LARP1: variants seen among roughly 807,000 people sequenced by gnomAD.
LARP1 encodes la-related protein 1.
LARP1 carries 36 observed loss-of-function variants against 122.7 expected under a neutral mutation model. The observed-to-expected ratio is 0.29, with a 90% CI of 0.22 to 0.39. The LOEUF is 0.39. Ranked by LOEUF, LARP1 falls within the 10% of genes least tolerant of loss-of-function variation. The pLI, the probability that LARP1 is intolerant of heterozygous loss-of-function variation, is 1.00. For missense variants in LARP1, 1,040 were observed against 1,403.6 expected (o/e 0.74, Z 4.14); for synonymous variants, 539 against 528.7 (o/e 1.02, Z -0.27).
intron 1 of LARP1, among the ~76,000 whole-genome samples, chr5:154,770,689 T>TAA (rs1755336690): frequency 6.6e-6 from 1 of 152,138 alleles, no homozygotes; most frequent in Admixed American, 6.5e-5. Context: ...TGATTTCAGG[T>TAA]AAGATCCTTA....
chr5:154,788,785 C>T (rs1226182611), intron 1 of LARP1, among the ~76,000 whole-genome samples: 3 of 151,834 alleles, frequency 2.0e-5, no homozygotes. Flanking sequence ...GATAAAAGCC[C>T]ATGTCTGTCT....
chr5:154,781,609 AAAAAC>A (rs1756456421), intron 1 of LARP1, among the ~76,000 whole-genome samples: 1 of 152,168 alleles, frequency 6.6e-6, no homozygotes, highest in Non-Finnish European at 1.5e-5. Context: ...AAAGGAAAAA[AAAAAC>A]GGAAAAATAA....
intron 1 of LARP1, among the ~76,000 whole-genome samples, chr5:154,684,316 G>T (rs1468436605): frequency 6.6e-6 from 1 of 152,072 alleles, no homozygotes; most frequent in East Asian, 1.9e-4. Flanking sequence ...GTGGTGGCCT[G>T]TGCCAGCTAC....
chr5:154,777,995 C>T (rs1411609080), intron 1 of LARP1, among the ~76,000 whole-genome samples: 1 of 152,186 alleles, frequency 6.6e-6, no homozygotes, highest in East Asian at 1.9e-4. Context: ...GGTGCGGTGA[C>T]TCACGCCTGT....
At chr5:154,796,122 TATATA>T (rs1757815681) in intron 8 of LARP1, among the ~76,000 whole-genome samples, 2 of 109,488 alleles carry the variant, frequency 1.8e-5, no homozygotes, top group African/African-American at 4.7e-5. Context: ...GTATATATAT[TATATA>T]TATTTTATAT....
In LARP1 at chr5:154,755,735, T is replaced by G. The variant is rs1353926805; in HGVS notation, c.-23T>G. ...GAGGCAGCCTCGGGCGCGCCCGGCT[T>G]CTCCGGGGGGGCGGGCGCGCAGATG... is the stretch of plus-strand genomic sequence containing the variant. On this transcript the variant is annotated 5_prime_UTR_variant, in exon 1 of 19. Transcript: ENST00000518297. The G allele has an allele frequency of 5.1e-6, 5 of 986,720 alleles. No homozygotes were observed. The South Asian group carries it at 1.8e-4, about 36-fold the overall frequency. The allele number at this position is 986,720 out of a possible 1,614,324, so 61.1% of individuals were successfully genotyped here. A position where few individuals can be genotyped will look rare whatever the true frequency, so the allele number is the denominator to read the frequency against.
At chr5:154,709,166 T>C (rs1477605442), upstream of LARP1, among the ~76,000 whole-genome samples, 2 of 152,218 alleles carry the variant, frequency 1.3e-5, no homozygotes, top group Non-Finnish European at 2.9e-5. Flanking sequence ...CAAATGTCCT[T>C]AGCAGCAGGC....
chr5:154,731,050 C>G (rs1172001810), intron 1 of LARP1, among the ~76,000 whole-genome samples: 1 of 151,948 alleles, frequency 6.6e-6, no homozygotes, highest in Non-Finnish European at 1.5e-5. Context: ...GTCTTCAACT[C>G]CTGACCTCAG....
Position 154,790,630 on chromosome 5 carries a change from G to C in LARP1, c.499-15G>C. The C allele has an allele frequency of 6.2e-7, 1 of 1,614,018 alleles. No individual in the cohort carries two copies. The highest frequency in any genetic ancestry group is 8.5e-7 in the Non-Finnish European group (1 of 1,179,920). ...GGGTCACTCCTGGGGCCCTCATAGT[G>C]TATGTTCCCTGCAGGTTGGTGACTT... On this transcript the variant is annotated splice_polypyrimidine_tract_variant and intron_variant, in intron 2 of 18. Coordinates refer to ENST00000518297, the MANE Select transcript of LARP1 (RefSeq NM_033551.3).
intron 1 of LARP1, among the ~76,000 whole-genome samples, chr5:154,772,359 G>A (rs1028410478): frequency 2.0e-5 from 3 of 152,152 alleles, no homozygotes; most frequent in Non-Finnish European, 4.4e-5. Flanking sequence ...ATTGTGGCTC[G>A]TGACTATGGC....
rs763112496 is a variant in LARP1, at chr5:154,805,901, C to T, written c.2567C>T (p.Thr856Met). The change falls in exon 15 of 19, where the codon ACG (threonine) becomes ATG (methionine). Residue 856 changes from threonine (T) to methionine (M), a missense_variant. Physicochemically the swap from Thr to Met is moderately conservative, Grantham distance 81 (BLOSUM62 -1). Around this residue, in one of 8 missense-constraint regions of LARP1, gnomAD observed 26 missense variants for 27.5 expected, o/e 0.94. Transcript: ENST00000518297. ...TGTAGCTCCAGCCCCTCAGAAGGGACGCCTACAGTTGGCAGCTATGGCTGT... is the reference window on the plus strand; with the variant it reads ...TGTAGCTCCAGCCCCTCAGAAGGGATGCCTACAGTTGGCAGCTATGGCTGT... ...ASISSSPSEG[T>M]PTVGSYGCTP... 253 of 1,613,854 alleles carry T rather than the reference C, an allele frequency of 1.6e-4. 2 individuals are homozygous for T. The highest frequency in any genetic ancestry group is 2.0e-4 in the Non-Finnish European group (237 of 1,179,944).
chr5:154,813,074 T>C (rs183985615), intron 18 of LARP1, among the ~76,000 whole-genome samples: 3 of 120,130 alleles, frequency 2.5e-5, no homozygotes, highest in Non-Finnish European at 5.1e-5. Context: ...ATTTAACCCT[T>C]ATGTGGTGAC....
intron 16 of LARP1, 72 bp downstream of exon 16, chr5:154,808,675 C>T: frequency 6.7e-7 from 1 of 1,491,674 alleles, no homozygotes; most frequent in Non-Finnish European, 9.0e-7. Flanking sequence ...GGTCTGCTTC[C>T]AGAACTGTAG....
intron 7 of LARP1, 104 bp downstream of exon 7, chr5:154,794,366 C>A: frequency 1.8e-6 from 2 of 1,089,798 alleles, no homozygotes; most frequent in Non-Finnish European, 2.6e-6. Flanking sequence ...GCAGCAGTTT[C>A]AGCCTCAGGC....
At position 154,771,518 on chromosome 5, in the gene LARP1, G is replaced by A. The variant is rs183634511; in HGVS notation, c.436+15325G>A. Among the ~76,000 whole-genome samples the A allele has an allele frequency of 2.6e-5, 4 of 152,322 alleles. No homozygotes were observed. In the East Asian group the frequency reaches 5.8e-4, roughly 22 times the overall value. Reference sequence around the variant, plus strand: ...GCAGACTGACTCCAGAGTTCATGCCGTACACATCATCTGGCTTTGCATTCT... The same window carrying A: ...GCAGACTGACTCCAGAGTTCATGCCATACACATCATCTGGCTTTGCATTCT... On this transcript the variant is annotated intron_variant, in intron 1 of 18. Transcript: ENST00000518297.
intron 1 of LARP1, among the ~76,000 whole-genome samples, chr5:154,707,520 T>C (rs968739780): frequency 6.6e-6 from 1 of 152,196 alleles, no homozygotes; most frequent in African/African-American, 2.4e-5. Flanking sequence ...TGGAAAATAG[T>C]ATTTAGAGAC....
intron 1 of LARP1, among the ~76,000 whole-genome samples, chr5:154,779,056 G>A (rs937599335): frequency 3.3e-5 from 5 of 152,082 alleles, no homozygotes; most frequent in African/African-American, 4.8e-5. Context: ...GCACCAGTCA[G>A]GTTCAAGAAT....
intron 1 of LARP1, among the ~76,000 whole-genome samples, chr5:154,693,528 A>G (rs1754319838): frequency 6.6e-6 from 1 of 152,138 alleles, no homozygotes; most frequent in African/African-American, 2.4e-5. Context: ...TGTCTCATTT[A>G]TTAATTTAAA....
chr5:154,719,624 G>A (rs1755732372), intron 1 of LARP1, among the ~76,000 whole-genome samples: 1 of 152,186 alleles, frequency 6.6e-6, no homozygotes, highest in Non-Finnish European at 1.5e-5. Flanking sequence ...CACTTTGGGA[G>A]GCCGAGGTAG....
Sources: gnomAD v4.1 joint callset for allele counts (sites outside exome capture counted in the v4.1 genomes callset) on GRCh38, gnomAD v4.1.1 for gene constraint, gnomAD v4.1.1 regional missense constraint, MANE v1.5 for transcripts, NCBI Gene and HGNC (gene_info 2026-07-23, HGNC 2026-07-21) for gene names.